The following SCAF4 variants were observed in gnomAD, a reference collection of about 807,000 sequenced individuals.
SCAF4 encodes the protein SR-related and CTD-associated factor 4.
SCAF4 carries 25 observed loss-of-function variants against 129.8 expected under a neutral mutation model. The ratio of observed to expected loss-of-function variants is 0.19; its 90% CI spans 0.14 to 0.27. The LOEUF is 0.27. Ranked by LOEUF, SCAF4 falls within the 10% of genes least tolerant of loss-of-function variation. The pLI is 1.00. For missense variants in SCAF4, 1,246 were observed against 1,457.1 expected (o/e 0.86, Z 2.36); for synonymous variants, 551 against 497.7 (o/e 1.11, Z -1.43).
chr21:31,726,905 G>A (rs534778657), intron 1 of SCAF4, among the ~76,000 whole-genome samples: 1 of 152,180 alleles, frequency 6.6e-6, no homozygotes, highest in African/African-American at 2.4e-5. Context: ...TATTGTTTAT[G>A]GACCACAGAG....
chr21:31,722,964 A>G (rs771816294), intron 1 of SCAF4, among the ~76,000 whole-genome samples: 5 of 152,068 alleles, frequency 3.3e-5, no homozygotes, highest in Non-Finnish European at 5.9e-5. Flanking sequence ...AAAAAAAGTC[A>G]TTACACTCAA....
Position 31,696,608 on chromosome 21 carries a change from G to T in SCAF4, c.920C>A (p.Ala307Glu), listed in dbSNP as rs759077771. The T allele has an allele frequency of 3.7e-6, 6 of 1,602,656 alleles. No homozygotes were observed. Among genetic ancestry groups the T allele is most frequent in the Admixed American group, 1.7e-5 (1 of 59,486 alleles). The change falls in exon 8 of 20, where the codon GCA (alanine) becomes GAA (glutamate). Residue 307 changes from alanine to glutamate, a missense_variant. Ala to Glu is a moderately radical substitution (Grantham distance 107). Around this residue, in one of 6 missense-constraint regions of SCAF4, gnomAD observed 236 missense variants for 210.0 expected, o/e 1.12. Coordinates refer to ENST00000286835, the MANE Select transcript of SCAF4 (RefSeq NM_020706.2). ...AGGAGGAGGAGAGGCAGCAGCGGGT[G>T]CAGCAGCAGCAGGCACGGTGGCGGT... The part of the protein sequence containing the change: ...APTATVPAAA[A>E]PAAASPPPPQ...
intron 17 of SCAF4, 26 bp from the exon 18 acceptor site, chr21:31,685,510 T>G: frequency 6.2e-7 from 1 of 1,613,286 alleles, no homozygotes; most frequent in Non-Finnish European, 8.5e-7. Flanking sequence ...TAATGTCAAC[T>G]TATGCTGTAT....
At chr21:31,678,046 C>A (rs1390876608) in intron 19 of SCAF4, among the ~76,000 whole-genome samples, 1 of 152,172 alleles carries the variant, frequency 6.6e-6, no homozygotes, top group Non-Finnish European at 1.5e-5. Context: ...CTCACCACTT[C>A]TCTATTTACA....
intron 13 of SCAF4, 88 bp downstream of exon 13, chr21:31,692,261 T>C (rs1278253367): frequency 4.1e-6 from 4 of 979,546 alleles, no homozygotes; most frequent in Non-Finnish European, 4.9e-6. Flanking sequence ...CCTGGGCAAA[T>C]TGTAACTTTG....
intron 14 of SCAF4, among the ~76,000 whole-genome samples, chr21:31,691,359 A>G (rs763156717): frequency 4.6e-5 from 7 of 152,222 alleles, no homozygotes; most frequent in Non-Finnish European, 8.8e-5. Context: ...CAGCGGTAGA[A>G]TGGGGTGTTA....
chr21:31,674,357 G>T (rs547872871), intron 19 of SCAF4, among the ~76,000 whole-genome samples: 2 of 152,270 alleles, frequency 1.3e-5, no homozygotes, highest in Admixed American at 6.5e-5. Flanking sequence ...GTGGATATTT[G>T]TGTGTGGGAT....
Position 31,703,897 on chromosome 21 carries a change from T to C in SCAF4, c.189A>G (p.Leu63=), listed in dbSNP as rs1391021236. 2 of 1,590,384 alleles carry C rather than the reference T, an allele frequency of 1.3e-6. No homozygotes were observed. The highest frequency in any genetic ancestry group is 1.1e-5 in the South Asian group (1 of 87,560). Residue 63 remains leucine (L), a synonymous_variant, in exon 4 of 20, where the codon TTA becomes TTG. Coordinates refer to ENST00000286835, the MANE Select transcript of SCAF4 (RefSeq NM_020706.2). The part of the protein sequence containing the change: ...KCKPEYKVPG[L]YVIDSIVRQS... ...GTCGCACAATTGAGTCAATTACATATAATCCCGGAACCTTGTATTCTGGTT... is the reference window on the plus strand; with the variant it reads ...GTCGCACAATTGAGTCAATTACATACAATCCCGGAACCTTGTATTCTGGTT...
chr21:31,727,773 G>A (rs1239967498), intron 1 of SCAF4, among the ~76,000 whole-genome samples: 1 of 151,822 alleles, frequency 6.6e-6, no homozygotes, highest in East Asian at 1.9e-4. Context: ...CGTGGTGACA[G>A]AGCGGGTCTC....
chr21:31,717,953 AT>A (rs1209080362), intron 1 of SCAF4, among the ~76,000 whole-genome samples: 1 of 145,838 alleles, frequency 6.9e-6, no homozygotes, highest in African/African-American at 2.6e-5. Flanking sequence ...ACACATATAT[AT>A]TTTTTTGAGA....
At chr21:31,720,055 C>T (rs2051034272) in intron 1 of SCAF4, among the ~76,000 whole-genome samples, 1 of 152,288 alleles carries the variant, frequency 6.6e-6, no homozygotes, top group South Asian at 2.1e-4. Context: ...CATGCCAGTG[C>T]TCTCCTTTAG....
rs367603854 is a variant in SCAF4, at chr21:31,671,618, G to A, written c.3225C>T (p.Ala1075=). ...DRESRREKEE[A]RGKEKPEVTD... ...TCACCTCAGGCTTTTCCTTTCCTCG[G>A]GCTTCTTCCTTCTCTCTACGAGACT... The change falls in exon 20 of 20, where the codon GCC becomes GCT. Residue 1075 remains alanine, a synonymous_variant. Coordinates refer to ENST00000286835, the MANE Select transcript of SCAF4 (RefSeq NM_020706.2). The A allele has an allele frequency of 1.7e-5, 27 of 1,613,820 alleles. No homozygotes were observed. The highest frequency in any genetic ancestry group is 2.3e-5 in the Non-Finnish European group (27 of 1,180,006).
intron 19 of SCAF4, among the ~76,000 whole-genome samples, chr21:31,678,366 A>C (rs192861152): frequency 2.0e-5 from 3 of 152,198 alleles, no homozygotes; most frequent in African/African-American, 7.2e-5. Flanking sequence ...CTATCTTCAA[A>C]ATATCTTCAG....
At chr21:31,702,172 A>C in intron 5 of SCAF4, 72 bp downstream of exon 5, 3 of 1,586,182 alleles carry the variant, frequency 1.9e-6, no homozygotes, top group Non-Finnish European at 2.6e-6. Context: ...CCTTCAATAC[A>C]CATAAACTCT....
chr21:31,718,242 G>A (rs1031775045), intron 1 of SCAF4, among the ~76,000 whole-genome samples: 15 of 150,784 alleles, frequency 9.9e-5, no homozygotes, highest in African/African-American at 9.8e-5. Context: ...CACTGTGCCA[G>A]GCCTATATTT....
intron 11 of SCAF4, 44 bp from the exon 12 acceptor site, chr21:31,693,528 A>G: frequency 7.0e-6 from 9 of 1,287,148 alleles, no homozygotes; most frequent in Non-Finnish European, 9.2e-6. Context: ...ATATAGACAA[A>G]AACCAGAAAA....
chr21:31,708,041 T>TA (rs1479121721), intron 1 of SCAF4, among the ~76,000 whole-genome samples: 1 of 152,140 alleles, frequency 6.6e-6, no homozygotes, highest in African/African-American at 2.4e-5. Flanking sequence ...ACCAATGTAA[T>TA]AAAAAAATTA....
rs531719782 is a variant in SCAF4, at chr21:31,731,381, C to G, written c.30+282G>C. On this transcript the variant is annotated intron_variant, in intron 1 of 19. Coordinates refer to ENST00000286835, the MANE Select transcript of SCAF4 (RefSeq NM_020706.2). The stretch of plus-strand genomic sequence containing the variant: ...CCGAAAAAGGGCCAAGTTAGAGGAA[C>G]AGGCACAGACTTGGGCTATGGGAGG... Among the ~76,000 whole-genome samples the G allele has an allele frequency of 3.0e-3, 464 of 152,342 alleles. 3 individuals are homozygous for G. Among genetic ancestry groups the G allele is most frequent in the Middle Eastern group, 3.4e-3 (1 of 294 alleles).
intron 16 of SCAF4, among the ~76,000 whole-genome samples, chr21:31,687,806 T>G (rs935392791): frequency 1.3e-5 from 2 of 152,124 alleles, no homozygotes; most frequent in Non-Finnish European, 2.9e-5. Context: ...ACATTTATTT[T>G]GGTTGTATAA....
Sources: gnomAD v4.1 joint callset for allele counts (sites outside exome capture counted in the v4.1 genomes callset) on GRCh38, gnomAD v4.1.1 for gene constraint, gnomAD v4.1.1 regional missense constraint, MANE v1.5 for transcripts, NCBI Gene and HGNC (gene_info 2026-07-23, HGNC 2026-07-21) for gene names.